Variants in TRIM24 observed in about 807,000 individuals in gnomAD.
TRIM24 encodes tripartite motif containing 24.
Under a neutral mutation model 123.9 loss-of-function variants are expected in TRIM24, and 29 were observed. That is an observed-to-expected ratio of 0.23 (90% confidence interval 0.17 to 0.32). TRIM24 has a LOEUF of 0.32. Ranked by LOEUF, TRIM24 falls within the 10% of genes least tolerant of loss-of-function variation. TRIM24 has a pLI of 1.00. For synonymous variants in TRIM24, 456 were observed against 461.1 expected (o/e 0.99, Z 0.14); for missense variants, 932 against 1,295.3 (o/e 0.72, Z 4.31).
At chr7:138,501,129 A>G (rs1273622784) in intron 1 of TRIM24, among the ~76,000 whole-genome samples, 1 of 152,208 alleles carries the variant, frequency 6.6e-6, no homozygotes, top group Non-Finnish European at 1.5e-5. Context: ...GCTTGTTTAC[A>G]CCAGCATCAC....
chr7:138,512,816 G>A (rs933284285), intron 2 of TRIM24, among the ~76,000 whole-genome samples: 3 of 152,066 alleles, frequency 2.0e-5, no homozygotes, highest in African/African-American at 4.8e-5. Context: ...CCCAGTTTCT[G>A]CAGCCTGCTT....
At chr7:138,581,615 CCT>C in intron 16 of TRIM24, 80 bp from the exon 17 acceptor site, 1 of 1,185,324 alleles carries the variant, frequency 8.4e-7, no homozygotes, top group Non-Finnish European at 1.2e-6. Context: ...CACTTTGGGA[CCT>C]CTGAGATTGT....
intron 1 of TRIM24, among the ~76,000 whole-genome samples, chr7:138,493,474 T>C (rs915064368): frequency 2.0e-5 from 3 of 152,242 alleles, no homozygotes; most frequent in African/African-American, 4.8e-5. Flanking sequence ...TTCCTTGTTA[T>C]GTATGTTACT....
chr7:138,524,062 T>C (rs1389956291), intron 4 of TRIM24, among the ~76,000 whole-genome samples: 4 of 152,176 alleles, frequency 2.6e-5, no homozygotes, highest in African/African-American at 9.6e-5. Flanking sequence ...ACAGAATTCA[T>C]TTAACATGCC....
At chr7:138,463,827 A>G (rs975620558) in intron 1 of TRIM24, among the ~76,000 whole-genome samples, 3 of 152,038 alleles carry the variant, frequency 2.0e-5, no homozygotes, top group Non-Finnish European at 2.9e-5. Context: ...TTATACTAGG[A>G]AAAACGTTTT....
At position 138,577,409 on chromosome 7, in the gene TRIM24, C is replaced by T. The variant is rs769127777; in HGVS notation, c.2088-11C>T. 5.2e-6 allele frequency: 8 copies of T among 1,533,660 alleles called. No homozygotes were observed. The highest frequency in any genetic ancestry group is 7.0e-6 in the Non-Finnish European group (8 of 1,144,978). On this transcript the variant is annotated splice_polypyrimidine_tract_variant and intron_variant, in intron 13 of 18. Transcript: ENST00000343526. ...TCTTAGATTGCTTTTTCTTCTCTCT[C>T]ATACTTACAGCTCTGGCTCTTCCAG...
At chr7:138,543,052 T>A (rs1235455605) in intron 7 of TRIM24, among the ~76,000 whole-genome samples, 1 of 152,234 alleles carries the variant, frequency 6.6e-6, no homozygotes, top group Non-Finnish European at 1.5e-5. Flanking sequence ...ATCATGAGTA[T>A]GTATGTGTAA....
chr7:138,520,365 A>G (rs112167606), intron 4 of TRIM24, among the ~76,000 whole-genome samples: 1 of 152,244 alleles, frequency 6.6e-6, no homozygotes, highest in East Asian at 1.9e-4. Flanking sequence ...CTGGCTCCTC[A>G]AGTTTCCTTG....
At chr7:138,484,799 T>C (rs754829303) in intron 1 of TRIM24, among the ~76,000 whole-genome samples, 2 of 152,184 alleles carry the variant, frequency 1.3e-5, no homozygotes, top group Non-Finnish European at 2.9e-5. Context: ...CTTGAATATA[T>C]GGTAGCAGTC....
At chr7:138,511,035 C>A (rs1238611612) in intron 2 of TRIM24, among the ~76,000 whole-genome samples, 1 of 152,050 alleles carries the variant, frequency 6.6e-6, no homozygotes, top group Admixed American at 6.6e-5. Flanking sequence ...ATAAATCATC[C>A]CACTCCATCC....
chr7:138,532,180 A>T (rs1316244902), intron 6 of TRIM24, among the ~76,000 whole-genome samples: 1 of 151,600 alleles, frequency 6.6e-6, no homozygotes, highest in Admixed American at 6.6e-5. Context: ...GTTCACTCTG[A>T]TGGTAGTTTC....
chr7:138,464,815 A>T (rs535676082), intron 1 of TRIM24, among the ~76,000 whole-genome samples: 145 of 152,304 alleles, frequency 9.5e-4, no homozygotes, highest in African/African-American at 3.3e-3. Flanking sequence ...CCTAAAAAAA[A>T]TTTAGATTTT....
At chr7:138,466,703 T>G (rs1795149572) in intron 1 of TRIM24, among the ~76,000 whole-genome samples, 1 of 152,112 alleles carries the variant, frequency 6.6e-6, no homozygotes, top group Non-Finnish European at 1.5e-5. Context: ...ATATTCTATA[T>G]CTAGGTCCTT....
At chr7:138,543,581 C>T (rs1278965018) in intron 7 of TRIM24, among the ~76,000 whole-genome samples, 1 of 152,104 alleles carries the variant, frequency 6.6e-6, no homozygotes, top group Non-Finnish European at 1.5e-5. Context: ...CCTAGCAGCC[C>T]TGAAACCTCA....
At chr7:138,531,263 T>C (rs189026046) in intron 6 of TRIM24, among the ~76,000 whole-genome samples, 4 of 152,170 alleles carry the variant, frequency 2.6e-5, no homozygotes, top group East Asian at 1.9e-4. Flanking sequence ...ATATGTTACA[T>C]ATGTTTACAT....
At chr7:138,534,402 A>T (rs10254935) in intron 6 of TRIM24, among the ~76,000 whole-genome samples, 3,309 of 152,266 alleles carry the variant, frequency 0.022, 99 homozygotes, top group African/African-American at 0.073. Context: ...CCAGAGATCC[A>T]GGTACGTTGT....
intron 6 of TRIM24, among the ~76,000 whole-genome samples, chr7:138,534,914 A>T (rs888663827): frequency 6.6e-6 from 1 of 152,076 alleles, no homozygotes; most frequent in African/African-American, 2.4e-5. Flanking sequence ...TTGGGTGCAT[A>T]TATGTTTAGG....
At chr7:138,469,559 C>T (rs1795225751) in intron 1 of TRIM24, among the ~76,000 whole-genome samples, 2 of 152,122 alleles carry the variant, frequency 1.3e-5, no homozygotes, top group South Asian at 4.2e-4. Context: ...GCCTCAGCCT[C>T]CCAAAGTGCT....
chr7:138,489,653 C>A (rs1412225951), intron 1 of TRIM24, among the ~76,000 whole-genome samples: 3 of 152,132 alleles, frequency 2.0e-5, no homozygotes, highest in Non-Finnish European at 4.4e-5. Context: ...AAATTCTTTT[C>A]TTTAAGAGTG....
Sources: allele counts gnomAD v4.1 joint callset (sites outside exome capture counted in the v4.1 genomes callset), GRCh38; gene constraint gnomAD v4.1.1; transcripts MANE v1.5; gene names NCBI Gene and HGNC (gene_info 2026-07-23, HGNC 2026-07-21).